MCC: variants seen among roughly 807,000 people sequenced by gnomAD.
MCC encodes colorectal mutant cancer protein.
MCC carries 90 observed loss-of-function variants against 116.2 expected under a neutral mutation model. The observed-to-expected ratio is 0.77, with a 90% CI of 0.65 to 0.92. The LOEUF is 0.92. MCC is among the 40% of genes least tolerant of loss of function. MCC has a pLI of 0.00. For missense variants in MCC, 1,516 were observed against 1,312.2 expected (o/e 1.16, Z -2.40); for synonymous variants, 578 against 510.5 (o/e 1.13, Z -1.78).
chr5:113,271,976 C>A (rs189955353), intron 3 of MCC, among the ~76,000 whole-genome samples: 1 of 152,266 alleles, frequency 6.6e-6, no homozygotes, highest in Non-Finnish European at 1.5e-5. Flanking sequence ...GTTGACCATC[C>A]TTAACAGAGA....
chr5:113,358,547 T>C (rs1190303236), intron 2 of MCC, among the ~76,000 whole-genome samples: 2 of 152,180 alleles, frequency 1.3e-5, no homozygotes, highest in African/African-American at 4.8e-5. Flanking sequence ...TGATATTGTC[T>C]ATGTTTAGTG....
intron 8 of MCC, among the ~76,000 whole-genome samples, chr5:113,090,357 AG>A (rs1465502530): frequency 4.3e-5 from 5 of 115,242 alleles, no homozygotes; most frequent in Non-Finnish European, 8.6e-5. Flanking sequence ...GGACCAAAAA[AG>A]AAAAAAAAAA....
At chr5:113,285,368 G>A (rs1766210999) in intron 3 of MCC, among the ~76,000 whole-genome samples, 1 of 120,262 alleles carries the variant, frequency 8.3e-6, no homozygotes, top group Non-Finnish European at 1.6e-5. Flanking sequence ...CACAAAATAT[G>A]AAAAGAATAA....
At chr5:113,090,055 T>C (rs1333924852) in intron 8 of MCC, among the ~76,000 whole-genome samples, 1 of 152,000 alleles carries the variant, frequency 6.6e-6, no homozygotes, top group Non-Finnish European at 1.5e-5. Flanking sequence ...TAGAACTGGA[T>C]AGATAGATTT....
chr5:113,400,053 T>C (rs1769638043), intron 1 of MCC: 8 of 152,000 alleles, frequency 5.3e-5, no homozygotes, highest in Admixed American at 5.2e-4. Context: ...TATAGTTCTT[T>C]TACATGTGAC....
At chr5:113,282,175 T>A (rs974248941) in intron 3 of MCC, among the ~76,000 whole-genome samples, 1 of 152,174 alleles carries the variant, frequency 6.6e-6, no homozygotes, top group Non-Finnish European at 1.5e-5. Flanking sequence ...ACAAAGAAAC[T>A]GAAGTGACTT....
At chr5:113,152,870 G>A (rs1184457035) in intron 3 of MCC, among the ~76,000 whole-genome samples, 1 of 152,158 alleles carries the variant, frequency 6.6e-6, no homozygotes, top group East Asian at 1.9e-4. Flanking sequence ...CAGGCAATCT[G>A]GCAGTATTTG....
chr5:113,380,131 C>T (rs1468680928), intron 2 of MCC, among the ~76,000 whole-genome samples: 1 of 152,200 alleles, frequency 6.6e-6, no homozygotes, highest in Non-Finnish European at 1.5e-5. Flanking sequence ...CAGCTCCCTG[C>T]TGTAGATGTG....
intron 2 of MCC, among the ~76,000 whole-genome samples, chr5:113,345,268 C>A (rs1401432515): frequency 4.0e-5 from 6 of 151,738 alleles, no homozygotes; most frequent in African/African-American, 1.5e-4. Flanking sequence ...GTAGATTTTA[C>A]GTTTTTTTTT....
chr5:113,202,635 A>G (rs1479325795), intron 3 of MCC, among the ~76,000 whole-genome samples: 1 of 152,142 alleles, frequency 6.6e-6, no homozygotes, highest in Non-Finnish European at 1.5e-5. Flanking sequence ...AGACTGGGAA[A>G]AAACTTAAGT....
intron 3 of MCC, among the ~76,000 whole-genome samples, chr5:113,277,209 C>CA (rs147857982): frequency 0.055 from 8,086 of 145,782 alleles, 768 homozygotes; most frequent in African/African-American, 0.19. Flanking sequence ...AAAACACAAA[C>CA]AAAAAAAAAA....
chr5:113,045,977 GC>G (rs1413985150), intron 16 of MCC, among the ~76,000 whole-genome samples: 1 of 152,014 alleles, frequency 6.6e-6, no homozygotes, highest in Non-Finnish European at 1.5e-5. Context: ...ACAGAAAAGT[GC>G]TGACCCCTTC....
In MCC at chr5:113,340,484, C is replaced by T. The variant is rs371311620; in HGVS notation, c.627+35G>A. ...TATTTGTATTGGAATACAGACAGGC[C>T]GAAATATGTATTCCATGAACCAAAA... On this transcript the variant is annotated intron_variant, in intron 3 of 18. Coordinates refer to ENST00000408903, the MANE Select transcript of MCC (RefSeq NM_001085377.2). 2.7e-5 allele frequency: 43 copies of T among 1,572,086 alleles called. 1 individual carries two copies. Among genetic ancestry groups the T allele is most frequent in the Middle Eastern group, 3.3e-4 (2 of 5,976 alleles).
intron 3 of MCC, among the ~76,000 whole-genome samples, chr5:113,312,212 G>C (rs1767152041): frequency 6.6e-6 from 1 of 152,138 alleles, no homozygotes; most frequent in South Asian, 2.1e-4. Context: ...GGGAGGCAGA[G>C]GTTGCAGTGA....
chr5:113,266,950 A>G (rs1765444431), intron 3 of MCC, among the ~76,000 whole-genome samples: 1 of 152,214 alleles, frequency 6.6e-6, no homozygotes, highest in South Asian at 2.1e-4. Flanking sequence ...TCTTGTTAAA[A>G]TAAGAGCCTA....
At chr5:113,119,134 T>G (rs184833969) in intron 6 of MCC, among the ~76,000 whole-genome samples, 54 of 152,354 alleles carry the variant, frequency 3.5e-4, no homozygotes, top group Middle Eastern at 3.4e-3. Context: ...GCTCAAGTAT[T>G]TGAGTATCTC....
At chr5:113,134,484 A>C in intron 5 of MCC, among the ~76,000 whole-genome samples, 1 of 149,520 alleles carries the variant, frequency 6.7e-6, no homozygotes, top group African/African-American at 2.5e-5. Flanking sequence ...TTTGTAGCAT[A>C]ATTTGAACTC....
intron 3 of MCC, among the ~76,000 whole-genome samples, chr5:113,324,290 T>C (rs559144663): frequency 7.5e-4 from 114 of 152,316 alleles, no homozygotes; most frequent in African/African-American, 2.6e-3. Flanking sequence ...AAATGCATAG[T>C]ACAAATATTT....
chr5:113,164,241 C>T (rs953563252), intron 3 of MCC, among the ~76,000 whole-genome samples: 10 of 152,198 alleles, frequency 6.6e-5, no homozygotes, highest in East Asian at 1.9e-4. Context: ...CTAAAAAGCT[C>T]GGCAACTCCT....
Sources: gnomAD v4.1 joint callset for allele counts (sites outside exome capture counted in the v4.1 genomes callset) on GRCh38, gnomAD v4.1.1 for gene constraint, MANE v1.5 for transcripts, NCBI Gene and HGNC (gene_info 2026-07-23, HGNC 2026-07-21) for gene names.